The following MYT1L variants were observed in gnomAD, a reference collection of about 807,000 sequenced individuals.
MYT1L encodes the protein myelin transcription factor 1-like protein.
In MYT1L, 12 loss-of-function variants were observed where a neutral mutation model predicts 126.7. The ratio of observed to expected loss-of-function variants is 0.09; its 90% CI spans 0.06 to 0.15. The LOEUF is 0.15. MYT1L is among the 10% of genes least tolerant of loss of function. MYT1L has a pLI of 1.00. For synonymous variants in MYT1L, 541 were observed against 604.2 expected (o/e 0.90, Z 1.53); for missense variants, 979 against 1,585.2 (o/e 0.62, Z 6.49).
At chr2:2,235,322 G>A (rs778252430) in intron 2 of MYT1L, among the ~76,000 whole-genome samples, 5 of 148,100 alleles carry the variant, frequency 3.4e-5, no homozygotes, top group Non-Finnish European at 7.4e-5. Flanking sequence ...TGTGTGTGTA[G>A]CTGGTTAGCT....
chr2:2,021,903 CA>C (rs762653377), intron 4 of MYT1L, among the ~76,000 whole-genome samples: 10 of 147,288 alleles, frequency 6.8e-5, no homozygotes, highest in East Asian at 3.9e-4. Flanking sequence ...TCTCAAAAAA[CA>C]AAAAAAAAAG....
At chr2:1,816,259 C>A (rs10182632) in intron 21 of MYT1L, 2,849 of 152,296 alleles carry the variant, frequency 0.019, 50 homozygotes, top group Non-Finnish European at 0.03. Context: ...GTTTGGGGAC[C>A]CAAGGCAAGC....
chr2:2,166,097 T>C (rs908892834), intron 3 of MYT1L, among the ~76,000 whole-genome samples: 2 of 152,218 alleles, frequency 1.3e-5, no homozygotes, highest in African/African-American at 4.8e-5. Context: ...GAAAATCCGA[T>C]AGGAGAATTT....
chr2:2,152,681 G>A (rs1322798917), intron 3 of MYT1L, among the ~76,000 whole-genome samples: 2 of 152,194 alleles, frequency 1.3e-5, no homozygotes, highest in African/African-American at 4.8e-5. Context: ...CAGCAGAGAG[G>A]GGCCTGATAA....
At chr2:1,980,175 A>G (rs1381619151) in intron 5 of MYT1L, among the ~76,000 whole-genome samples, 1 of 147,992 alleles carries the variant, frequency 6.8e-6, no homozygotes, top group East Asian at 1.9e-4. Context: ...ATATATATGT[A>G]TTTTTATATA....
Position 1,887,655 on chromosome 2 carries a change from C to T in MYT1L, c.2521-46G>A. On this transcript the variant is annotated intron_variant, in intron 16 of 24. Coordinates refer to ENST00000647738, the MANE Select transcript of MYT1L (RefSeq NM_001303052.2). This position sits in a 1 kb window ranked among gnomAD's most constrained non-coding sequence, Gnocchi z 4.8. ...CAGAGCCACACGGATGATCACATGG[C>T]ACACAGACTGAGGGAGGTGGTTCGT... 6.2e-7 allele frequency: 1 copy of T among 1,613,384 alleles called. No homozygotes were observed. The highest frequency in any genetic ancestry group is 1.1e-5 in the South Asian group (1 of 91,050).
At chr2:2,150,345 T>C (rs1373112511) in intron 3 of MYT1L, among the ~76,000 whole-genome samples, 2 of 152,240 alleles carry the variant, frequency 1.3e-5, no homozygotes, top group African/African-American at 4.8e-5. Flanking sequence ...TCTTGATTTT[T>C]TGAGATAGTT....
rs1228392093 is a variant in MYT1L at position 2,003,990 on chromosome 2, C to T, written c.-157-6643G>A. 1.3e-3 allele frequency among the ~76,000 whole-genome samples: 197 copies of T among 150,296 alleles called. 2 individuals carry two copies. The highest frequency in any genetic ancestry group is 4.5e-3 in the African/African-American group (184 of 40,536). On this transcript the variant is annotated intron_variant, in intron 4 of 24. Transcript: ENST00000647738. ...TCCTGCAGGCATTCTTTCCTGCAAG[C>T]GTTCTTTCCTGCATGCCTTCTTTCC...
rs2053670887 is a variant in MYT1L, at chr2:1,922,362, A to C, written c.1407T>G (p.Ser469=). The C allele has an allele frequency of 6.2e-7, 1 of 1,613,826 alleles. No individual in the cohort carries two copies. Among genetic ancestry groups the C allele is most frequent in the South Asian group, 1.1e-5 (1 of 91,080 alleles). The change falls in exon 10 of 25, where the codon TCT becomes TCG. Residue 469 remains serine (S), a synonymous_variant. Coordinates refer to ENST00000647738, the MANE Select transcript of MYT1L (RefSeq NM_001303052.2). The surrounding 1 kb of genome is among the most constrained non-coding windows in gnomAD (Gnocchi z 7.4). ...TGTCCTCCCCGGGAAGTTGTCTCGG[A>C]GACTGGTCCTCATATGACCTCATAT... is the stretch of plus-strand genomic sequence containing the variant. ...RDNMRSYEDQ[S]PRQLPGEDRK...
chr2:2,043,889 T>G (rs1051142124), intron 4 of MYT1L, among the ~76,000 whole-genome samples: 3 of 152,212 alleles, frequency 2.0e-5, no homozygotes, highest in African/African-American at 7.2e-5. Context: ...AGGCAAAATT[T>G]TGACTGATGG....
intron 18 of MYT1L, among the ~76,000 whole-genome samples, chr2:1,875,166 A>C (rs946939963): frequency 6.6e-6 from 1 of 152,218 alleles, no homozygotes; most frequent in Admixed American, 6.5e-5. Flanking sequence ...GTTCCGGCGC[A>C]GGCGGAAGAT....
intron 8 of MYT1L, among the ~76,000 whole-genome samples, chr2:1,951,922 C>A (rs2057789031): frequency 6.6e-6 from 1 of 152,182 alleles, no homozygotes; most frequent in Non-Finnish European, 1.5e-5. Context: ...TAGTTGAAAT[C>A]ATTGAACTAT....
At chr2:2,249,877 A>C (rs113630879) in intron 2 of MYT1L, among the ~76,000 whole-genome samples, 10,192 of 152,252 alleles carry the variant, frequency 0.067, 399 homozygotes, top group South Asian at 0.13. Context: ...TTGAATAGAC[A>C]TTTCTCAAAA....
chr2:2,263,557 G>C (rs996806902), intron 2 of MYT1L, among the ~76,000 whole-genome samples: 4 of 152,126 alleles, frequency 2.6e-5, no homozygotes, highest in Non-Finnish European at 5.9e-5. Context: ...AACTGGTGCT[G>C]GGGTTTGCAG....
chr2:2,322,825 A>G (rs745344318), intron 1 of MYT1L, among the ~76,000 whole-genome samples: 1 of 152,240 alleles, frequency 6.6e-6, no homozygotes, highest in Non-Finnish European at 1.5e-5. Flanking sequence ...TGTAGCAATG[A>G]GAAAATAATG....
intron 21 of MYT1L, among the ~76,000 whole-genome samples, chr2:1,829,806 T>TTCCCATACACCTGTGAATTGACCC (rs1558679789): frequency 1.3e-3 from 122 of 97,134 alleles, no homozygotes; most frequent in Non-Finnish European, 2.1e-3. Flanking sequence ...TGAATTGACC[T>TTCCCATACACCTGTGAATTGACCC]TCCCATACAC....
intron 2 of MYT1L, among the ~76,000 whole-genome samples, chr2:2,207,914 C>T (rs1248024897): frequency 1.3e-5 from 2 of 152,162 alleles, no homozygotes; most frequent in Admixed American, 6.5e-5. Context: ...CCAGCCCTGC[C>T]CACCCCGAAG....
intron 2 of MYT1L, among the ~76,000 whole-genome samples, chr2:2,211,931 A>G (rs2093531420): frequency 1.3e-5 from 2 of 152,102 alleles, no homozygotes; most frequent in Non-Finnish European, 2.9e-5. Flanking sequence ...GTATTATAAA[A>G]TATTATAATA....
At chr2:2,053,577 G>A (rs1410029583) in intron 4 of MYT1L, among the ~76,000 whole-genome samples, 1 of 152,070 alleles carries the variant, frequency 6.6e-6, no homozygotes, top group Non-Finnish European at 1.5e-5. Flanking sequence ...CCTAATTAAT[G>A]ACCTTCTTAA....
Sources: allele counts gnomAD v4.1 joint callset (sites outside exome capture counted in the v4.1 genomes callset), GRCh38; gene constraint gnomAD v4.1.1; non-coding constraint Gnocchi (gnomAD v3.1); transcripts MANE v1.5; gene names NCBI Gene and HGNC (gene_info 2026-07-23, HGNC 2026-07-21).